Variants in COG5 observed in about 807,000 individuals in gnomAD.
COG5 encodes component of oligomeric golgi complex 5.
Under a neutral mutation model 110.4 loss-of-function variants are expected in COG5, and 86 were observed. The ratio of observed to expected loss-of-function variants is 0.78; its 90% CI spans 0.65 to 0.93. The LOEUF (loss-of-function observed/expected upper bound fraction) is 0.93, where lower values mean the gene tolerates loss of function less well. COG5 is among the 40% of genes least tolerant of loss of function. The pLI, the probability that COG5 is intolerant of heterozygous loss-of-function variation, is 0.00. For synonymous variants in COG5, 360 were observed against 334.6 expected (o/e 1.08, Z -0.83); for missense variants, 1,077 against 987.0 (o/e 1.09, Z -1.22).
intron 7 of COG5, among the ~76,000 whole-genome samples, chr7:107,403,377 A>C (rs1791579399): frequency 6.6e-6 from 1 of 152,006 alleles, no homozygotes; most frequent in Non-Finnish European, 1.5e-5. Context: ...TAGTTCACAG[A>C]AAGACACCCT....
intron 17 of COG5, among the ~76,000 whole-genome samples, chr7:107,240,079 C>A (rs1461627323): frequency 6.6e-6 from 1 of 152,148 alleles, no homozygotes; most frequent in Non-Finnish European, 1.5e-5. Context: ...ACATGGACTG[C>A]AACAATTTTA....
At chr7:107,363,678 C>A (rs567253355) in intron 8 of COG5, among the ~76,000 whole-genome samples, 2 of 152,018 alleles carry the variant, frequency 1.3e-5, no homozygotes, top group South Asian at 2.1e-4. Flanking sequence ...TGTTATTGGC[C>A]GGGCATGGTG....
Position 107,236,664 on chromosome 7 carries a change from G to A in COG5, c.1877C>T (p.Pro626Leu). 1 of 1,613,878 alleles carries A rather than the reference G, an allele frequency of 6.2e-7. No individual in the cohort carries two copies. Among genetic ancestry groups the A allele is most frequent in the South Asian group, 1.1e-5 (1 of 91,068 alleles). Residue 626 changes from proline to leucine, a missense_variant, in exon 18 of 22, where the codon CCT becomes CTT. Transcript: ENST00000297135. Reference protein sequence around the residue: ...FSGSLSSSGKPDVPCSLYMKE... With the variant: ...FSGSLSSSGKLDVPCSLYMKE... Reference sequence around the variant, plus strand: ...CATGTACAGAGAACAAGGAACATCAGGTTTTCCTGAGCTGGATAATGACCT... The same window carrying A: ...CATGTACAGAGAACAAGGAACATCAAGTTTTCCTGAGCTGGATAATGACCT...
At chr7:107,412,378 G>T in intron 7 of COG5, 124 bp downstream of exon 7, 1 of 847,840 alleles carries the variant, frequency 1.2e-6, no homozygotes, top group Non-Finnish European at 1.9e-6. Flanking sequence ...GATTTAAATT[G>T]TAGACATACT....
intron 11 of COG5, among the ~76,000 whole-genome samples, chr7:107,304,464 C>T (rs1054532242): frequency 6.6e-6 from 1 of 152,136 alleles, no homozygotes; most frequent in Non-Finnish European, 1.5e-5. Context: ...CATTCAATTA[C>T]TGAATGAACA....
At chr7:107,477,961 T>A (rs957490850) in intron 6 of COG5, among the ~76,000 whole-genome samples, 6 of 151,812 alleles carry the variant, frequency 4.0e-5, no homozygotes, top group Admixed American at 3.3e-4. Flanking sequence ...AATGAAAAAA[T>A]TAAAAATGCA....
At chr7:107,395,541 C>CTTT (rs67581814) in intron 7 of COG5, among the ~76,000 whole-genome samples, 92 of 50,042 alleles carry the variant, frequency 1.8e-3, no homozygotes, top group Non-Finnish European at 2.4e-3. Context: ...TGAAGCAGAT[C>CTTT]TTTTTTTTTT....
At chr7:107,362,470 AATATAT>A in intron 8 of COG5, 50 bp from the exon 9 acceptor site, 1 of 994,564 alleles carries the variant, frequency 1.0e-6, no homozygotes, top group South Asian at 1.4e-5. Context: ...TCCAAAGGCA[AATATAT>A]ATATATATGT....
chr7:107,220,246 C>A (rs1370248087), intron 19 of COG5, among the ~76,000 whole-genome samples: 2 of 152,192 alleles, frequency 1.3e-5, no homozygotes, highest in Non-Finnish European at 2.9e-5. Flanking sequence ...ACAACTTGTA[C>A]AGAAAAACCT....
At chr7:107,314,079 C>G (rs1050719872) in intron 11 of COG5, among the ~76,000 whole-genome samples, 3 of 152,058 alleles carry the variant, frequency 2.0e-5, no homozygotes, top group Non-Finnish European at 4.4e-5. Context: ...GAATGACTTA[C>G]AAGTACATGC....
At chr7:107,432,693 A>G (rs1382702168) in intron 6 of COG5, among the ~76,000 whole-genome samples, 1 of 152,232 alleles carries the variant, frequency 6.6e-6, no homozygotes, top group East Asian at 1.9e-4. Context: ...GGGATTTCTG[A>G]AGTCATATTC....
intron 11 of COG5, among the ~76,000 whole-genome samples, chr7:107,299,488 T>C (rs964390532): frequency 5.3e-5 from 8 of 152,068 alleles, no homozygotes; most frequent in African/African-American, 1.2e-4. Context: ...CAAGAAGCAA[T>C]AGATAGACTG....
At chr7:107,212,151 T>C (rs1432092835) in intron 19 of COG5, among the ~76,000 whole-genome samples, 1 of 152,234 alleles carries the variant, frequency 6.6e-6, no homozygotes, top group Non-Finnish European at 1.5e-5. Flanking sequence ...AGATAGCTGG[T>C]TCTCATTAGA....
intron 18 of COG5, among the ~76,000 whole-genome samples, chr7:107,232,610 T>G (rs1164061442): frequency 1.3e-5 from 2 of 152,194 alleles, no homozygotes; most frequent in African/African-American, 4.8e-5. Context: ...GGAAAATGTA[T>G]GATTATGCAA....
Position 107,518,680 on chromosome 7 carries a change from A to G in COG5, c.538+8557T>C, listed in dbSNP as rs970941671. Among the ~76,000 whole-genome samples the G allele has an allele frequency of 4.6e-5, 7 of 152,174 alleles. No individual in the cohort carries two copies. In the South Asian group the frequency reaches 1.5e-3, roughly 32 times the overall value. On this transcript the variant is annotated intron_variant, in intron 6 of 21. Coordinates refer to ENST00000297135, the MANE Select transcript of COG5 (RefSeq NM_006348.5). ...TAAAACAAGTTCTTAGAGACCTACA[A>G]AGAGACTCAGACTCCCACACAGTAA...
intron 12 of COG5, among the ~76,000 whole-genome samples, chr7:107,295,092 TATATATA>T (rs1562955791): frequency 4.9e-4 from 38 of 77,098 alleles, no homozygotes; most frequent in African/African-American, 1.6e-3. Context: ...TATATATATA[TATATATA>T]TATTTTTTTT....
intron 17 of COG5, among the ~76,000 whole-genome samples, chr7:107,239,679 T>C (rs1273576768): frequency 6.6e-6 from 1 of 152,206 alleles, no homozygotes; most frequent in Non-Finnish European, 1.5e-5. Flanking sequence ...TTAAACAAAA[T>C]GCATTTTGTT....
chr7:107,222,764 T>C (rs1339632821), intron 19 of COG5, among the ~76,000 whole-genome samples: 1 of 152,198 alleles, frequency 6.6e-6, no homozygotes, highest in Non-Finnish European at 1.5e-5. Flanking sequence ...TAAGGTGTTA[T>C]AAAATGCAGA....
intron 7 of COG5, among the ~76,000 whole-genome samples, chr7:107,392,746 A>G (rs1790713991): frequency 6.6e-6 from 1 of 152,142 alleles, no homozygotes; most frequent in Admixed American, 6.5e-5. Flanking sequence ...GCTTTATGAA[A>G]AAGTCACTAC....
Sources: gnomAD v4.1 joint callset for allele counts (sites outside exome capture counted in the v4.1 genomes callset) on GRCh38, gnomAD v4.1.1 for gene constraint, MANE v1.5 for transcripts, NCBI Gene and HGNC (gene_info 2026-07-23, HGNC 2026-07-21) for gene names.